The following BIRC6 variants were observed in gnomAD, a reference collection of about 807,000 sequenced individuals.
BIRC6 encodes baculoviral IAP repeat containing 6, also known as dual E2 ubiquitin-conjugating enzyme/E3 ubiquitin-protein ligase BIRC6.
BIRC6 carries 98 observed loss-of-function variants against 503.3 expected under a neutral mutation model. That is an observed-to-expected ratio of 0.19 (90% CI 0.17 to 0.23). BIRC6 has a LOEUF of 0.23. Ranked by LOEUF, BIRC6 falls within the 10% of genes least tolerant of loss-of-function variation. BIRC6 has a pLI of 1.00. For synonymous variants in BIRC6, 2,240 were observed against 2,078.7 expected (o/e 1.08, Z -2.11); for missense variants, 5,360 against 5,806.0 (o/e 0.92, Z 2.50).
At chr2:32,408,903 T>C (rs2041544853) in intron 9 of BIRC6, among the ~76,000 whole-genome samples, 1 of 152,220 alleles carries the variant, frequency 6.6e-6, no homozygotes, top group Admixed American at 6.5e-5. Context: ...TAAAAGTATG[T>C]ATCTTCTAAA....
chr2:32,371,215 C>CAAAAAA (rs1179033406), intron 1 of BIRC6, among the ~76,000 whole-genome samples: 3 of 28,708 alleles, frequency 1.0e-4, no homozygotes, highest in African/African-American at 1.1e-4. Context: ...GACCCTGTCT[C>CAAAAAA]AAAAAAAAAA....
At chr2:32,548,245 T>C (rs1400083692) in intron 64 of BIRC6, among the ~76,000 whole-genome samples, 1 of 151,800 alleles carries the variant, frequency 6.6e-6, no homozygotes, top group Non-Finnish European at 1.5e-5. Context: ...GTGGCAGGGA[T>C]GAAATTATCC....
chr2:32,616,543 CAGTG>C (rs2063252635), intron 73 of BIRC6, among the ~76,000 whole-genome samples: 1 of 113,118 alleles, frequency 8.8e-6, no homozygotes, highest in African/African-American at 3.7e-5. Flanking sequence ...CTGGGTGACA[CAGTG>C]AGACCTTGTT....
At position 32,457,277 on chromosome 2, in the gene BIRC6, T is replaced by G. The variant is rs777478761; in HGVS notation, c.4753+3335T>G. Among the ~76,000 whole-genome samples, 115 of 152,346 alleles carry G rather than the reference T, an allele frequency of 7.5e-4. 2 individuals are homozygous for G. Among genetic ancestry groups the G allele is most frequent in the Admixed American group, 1.4e-3 (22 of 15,312 alleles). On this transcript the variant is annotated intron_variant, in intron 23 of 73. Transcript: ENST00000421745. The stretch of plus-strand genomic sequence containing the variant: ...AAAATCCAGCCTGACATTTTTGTCT[T>G]TCAATGGGAGAATTTAATTCAGTTA...
intron 9 of BIRC6, among the ~76,000 whole-genome samples, chr2:32,411,966 A>T (rs1203141780): frequency 2.6e-5 from 4 of 152,020 alleles, no homozygotes; most frequent in African/African-American, 9.7e-5. Flanking sequence ...GTTTTCTGGA[A>T]ACGGGGTTTT....
intron 50 of BIRC6, chr2:32,505,464 T>A (rs1386811786): frequency 2.7e-6 from 1 of 375,066 alleles, no homozygotes; most frequent in Non-Finnish European, 5.0e-6. Context: ...CTCTTTTCTC[T>A]CAAATTTACT....
At chr2:32,570,590 C>G (rs1303182456) in intron 65 of BIRC6, among the ~76,000 whole-genome samples, 1 of 152,094 alleles carries the variant, frequency 6.6e-6, no homozygotes, top group Non-Finnish European at 1.5e-5. Context: ...CCTCCACTTT[C>G]TGGGTTCAAG....
intron 21 of BIRC6, among the ~76,000 whole-genome samples, chr2:32,447,165 C>A (rs1436401435): frequency 6.7e-6 from 1 of 149,828 alleles, no homozygotes; most frequent in Non-Finnish European, 1.5e-5. Flanking sequence ...TCCACACAGA[C>A]CCGGCAACCA....
chr2:32,522,821 T>C (rs907598438), intron 57 of BIRC6: 1 of 152,182 alleles, frequency 6.6e-6, no homozygotes, highest in African/African-American at 2.4e-5. Context: ...CATGTTGAAG[T>C]CTTGAAGACC....
chr2:32,494,754 A>G (rs2052232726), intron 45 of BIRC6, among the ~76,000 whole-genome samples: 1 of 151,940 alleles, frequency 6.6e-6, no homozygotes, highest in South Asian at 2.1e-4. Flanking sequence ...AAGAAAAAGA[A>G]AAAGAAATTA....
chr2:32,367,679 G>A lies in BIRC6; in HGVS notation c.326-9909G>A, dbSNP rs141210283. On this transcript the variant is annotated intron_variant, in intron 1 of 73. Coordinates refer to ENST00000421745, the MANE Select transcript of BIRC6 (RefSeq NM_016252.4). ...AAAAATACAAAAATTAGCTGGGTGT[G>A]GTGGTGTACACTTGTAATTCCAGCT... is the stretch of plus-strand genomic sequence containing the variant. 5.6e-3 allele frequency among the ~76,000 whole-genome samples: 850 copies of A among 152,036 alleles called. 8 individuals are homozygous for A. The highest frequency in any genetic ancestry group is 0.019 in the African/African-American group (805 of 41,462).
intron 6 of BIRC6, among the ~76,000 whole-genome samples, chr2:32,397,472 CA>C (rs201328190): frequency 2.0e-5 from 3 of 146,916 alleles, no homozygotes; most frequent in East Asian, 2.0e-4. Flanking sequence ...AACTCCATCT[CA>C]AAAAAAAAGA....
At chr2:32,549,153 CTT>C (rs2058266060) in intron 64 of BIRC6, 158 bp from the exon 65 acceptor site, 1 of 491,396 alleles carries the variant, frequency 2.0e-6, no homozygotes, top group Non-Finnish European at 3.4e-6. Context: ...AGATCCTTCT[CTT>C]TTGAAAATTT....
Position 32,489,675 on chromosome 2 carries a change from A to G in BIRC6, c.8096-366A>G, listed in dbSNP as rs548720647. On this transcript the variant is annotated intron_variant, in intron 42 of 73. Coordinates refer to ENST00000421745, the MANE Select transcript of BIRC6 (RefSeq NM_016252.4). The stretch of plus-strand genomic sequence containing the variant: ...TAGCCGGCTGTGTTGACGCATGCCT[A>G]TAATACCAGTTTTTCCAGTATCTGT... 3.3e-5 allele frequency among the ~76,000 whole-genome samples: 5 copies of G among 152,132 alleles called. No homozygotes were observed. The South Asian group carries it at 6.2e-4, about 19-fold the overall frequency.
At chr2:32,585,458 C>A (rs1003949381) in intron 66 of BIRC6, among the ~76,000 whole-genome samples, 2 of 151,886 alleles carry the variant, frequency 1.3e-5, no homozygotes, top group African/African-American at 4.8e-5. Context: ...TGGCTCACTG[C>A]AACCTCCGCC....
intron 8 of BIRC6, among the ~76,000 whole-genome samples, chr2:32,402,324 T>C (rs1309656942): frequency 6.6e-6 from 1 of 152,124 alleles, no homozygotes; most frequent in East Asian, 1.9e-4. Context: ...GGGAAGAAGA[T>C]TGTGTAGGCA....
chr2:32,472,958 G>C lies in BIRC6; in HGVS notation c.6593-154G>C, dbSNP rs1307470603. ...CAGTTATCCAGTCTTTATAGAATCA[G>C]ATCTTCTAGCAATTTCTTTACAATG... On this transcript the variant is annotated intron_variant, in intron 32 of 73. Coordinates refer to ENST00000421745, the MANE Select transcript of BIRC6 (RefSeq NM_016252.4). 3 of 609,768 alleles carry C rather than the reference G, an allele frequency of 4.9e-6. No individual in the cohort carries two copies. The African/African-American group carries it at 5.7e-5, about 12-fold the overall frequency. The allele number at this position is 609,768 out of a possible 1,614,324, so 37.8% of individuals were successfully genotyped here.
rs200548214 is a variant in BIRC6 at position 32,408,247 on chromosome 2, C to T, written c.1477+1690C>T. Among the ~76,000 whole-genome samples, 81 of 152,166 alleles carry T rather than the reference C, an allele frequency of 5.3e-4. 1 individual carries two copies. In the East Asian group the frequency reaches 5.8e-3, roughly 11 times the overall value. On this transcript the variant is annotated intron_variant, in intron 9 of 73. Coordinates refer to ENST00000421745, the MANE Select transcript of BIRC6 (RefSeq NM_016252.4). The stretch of plus-strand genomic sequence containing the variant: ...CCTCCTAAAGTGCTAGGATTACAGG[C>T]GTGAGCCACCGTGCCCGGCCAGACC...
rs2054934233 is a variant in BIRC6 at position 32,515,548 on chromosome 2, T to C, written c.11127T>C (p.Asn3709=). 1 of 1,613,910 alleles carries C rather than the reference T, an allele frequency of 6.2e-7. No homozygotes were observed. Among genetic ancestry groups the C allele is most frequent in the Non-Finnish European group, 8.5e-7 (1 of 1,179,912 alleles). The part of the protein sequence containing the change: ...MKDWLGGSEV[N]PLWTALLFLL... Reference sequence around the variant, plus strand: ...ATTGGCTTGGTGGTTCTGAAGTCAATCCACTATGGACAGCACTTCTGTTTT... The same window carrying C: ...ATTGGCTTGGTGGTTCTGAAGTCAACCCACTATGGACAGCACTTCTGTTTT... Residue 3709 remains asparagine (N), a synonymous_variant, in exon 55 of 74, where the codon AAT becomes AAC. Coordinates refer to ENST00000421745, the MANE Select transcript of BIRC6 (RefSeq NM_016252.4).
Sources: allele counts gnomAD v4.1 joint callset (sites outside exome capture counted in the v4.1 genomes callset), GRCh38; gene constraint gnomAD v4.1.1; transcripts MANE v1.5; gene names NCBI Gene and HGNC (gene_info 2026-07-23, HGNC 2026-07-21).